Variants in NRG2 observed in about 807,000 individuals in gnomAD.
NRG2 encodes pro-neuregulin-2, membrane-bound isoform.
Under a neutral mutation model 73.9 loss-of-function variants are expected in NRG2, and 27 were observed. The ratio of observed to expected loss-of-function variants is 0.37; its 90% confidence interval spans 0.27 to 0.50. The LOEUF (loss-of-function observed/expected upper bound fraction) is 0.50. Among genes scored for constraint, NRG2 ranks in the 20% least tolerant of loss-of-function variants. The pLI is 0.96. For missense variants in NRG2, 1,126 were observed against 1,210.1 expected (o/e 0.93, Z 1.03); for synonymous variants, 532 against 541.0 (o/e 0.98, Z 0.23).
chr5:139,887,261 T>C lies in NRG2; in HGVS notation c.872+79A>G. The stretch of plus-strand genomic sequence containing the variant: ...TGAGTCTGGGGGCACAGCCCTGGCC[T>C]CTGCCCAGTTCAGGCCACTCCTTCT... On this transcript the variant is annotated intron_variant, in intron 2 of 9. Transcript: ENST00000361474. The surrounding 1 kb of genome is among the most constrained non-coding windows in gnomAD (Gnocchi z 4.5). 6.5e-7 allele frequency: 1 copy of C among 1,537,558 alleles called. No homozygotes were observed. The highest frequency in any genetic ancestry group is 8.9e-7 in the Non-Finnish European group (1 of 1,123,506).
intron 1 of NRG2, among the ~76,000 whole-genome samples, chr5:139,902,525 C>A (rs571916880): frequency 6.6e-5 from 10 of 152,284 alleles, no homozygotes; most frequent in African/African-American, 2.4e-4. Context: ...CACATCTAAG[C>A]TAAAGGTTTT....
intron 1 of NRG2, among the ~76,000 whole-genome samples, chr5:139,896,788 G>T (rs1014881631): frequency 1.2e-4 from 19 of 152,038 alleles, no homozygotes; most frequent in Non-Finnish European, 1.2e-4. Flanking sequence ...AGGTCATACT[G>T]CTCCCCACCC....
At chr5:139,948,828 G>C (rs1012733006) in intron 1 of NRG2, among the ~76,000 whole-genome samples, 2 of 152,202 alleles carry the variant, frequency 1.3e-5, no homozygotes, top group African/African-American at 4.8e-5. Flanking sequence ...GAAGAGAACT[G>C]GTAGAATCTG....
chr5:139,952,347 G>A (rs1754271670), intron 1 of NRG2, among the ~76,000 whole-genome samples: 1 of 152,182 alleles, frequency 6.6e-6, no homozygotes, highest in African/African-American at 2.4e-5. Context: ...AACTACTGAA[G>A]GTGGGAAGAG....
At position 139,876,255 on chromosome 5, in the gene NRG2, A is replaced by G. The variant is rs1258315196; in HGVS notation, c.992-4414T>C. Among the ~76,000 whole-genome samples the G allele has an allele frequency of 2.6e-5, 4 of 152,326 alleles. No homozygotes were observed. In the East Asian group the frequency reaches 7.7e-4, roughly 29 times the overall value. ...AACATTATGTTAAGTATAAGAAGAC[A>G]GTCACAAAAGGCCACATATTGTATG... is the stretch of plus-strand genomic sequence containing the variant. On this transcript the variant is annotated intron_variant, in intron 3 of 9. Coordinates refer to ENST00000361474, the MANE Select transcript of NRG2 (RefSeq NM_004883.3).
At chr5:139,910,607 G>A (rs978752329) in intron 1 of NRG2, among the ~76,000 whole-genome samples, 1 of 152,198 alleles carries the variant, frequency 6.6e-6, no homozygotes, top group Non-Finnish European at 1.5e-5. Flanking sequence ...CGCTTGAAAA[G>A]GGCCCAGTCT....
rs1180198812 is a variant in NRG2 at position 140,042,431 on chromosome 5, G to T, written c.639C>A (p.Pro213=). 2 of 1,609,458 alleles carry T rather than the reference G, an allele frequency of 1.2e-6. No individual in the cohort carries two copies. Among genetic ancestry groups the T allele is most frequent in the East Asian group, 2.2e-5 (1 of 44,710 alleles). The stretch of plus-strand genomic sequence containing the variant: ...TGAGATTTTTGCCGTTGGTATCGAG[G>T]GGGGCAAAGGCCGTCTTAAAGACTA... The part of the protein sequence containing the change: ...QPLVFKTAFA[P]LDTNGKNLKK... Residue 213 remains proline (P), a synonymous_variant, in exon 1 of 10, where the codon CCC becomes CCA. Transcript: ENST00000361474.
At chr5:139,895,091 C>T (rs1329775865) in intron 1 of NRG2, among the ~76,000 whole-genome samples, 1 of 152,246 alleles carries the variant, frequency 6.6e-6, no homozygotes, top group Non-Finnish European at 1.5e-5. Context: ...TTCACCTGCC[C>T]ATCCAGAAGC....
rs576687095 is a variant in NRG2, at chr5:139,864,388, T to C, written c.1189+1161A>G. Among the ~76,000 whole-genome samples, 135 of 149,976 alleles carry C rather than the reference T, an allele frequency of 9.0e-4. 1 individual carries two copies. The highest frequency in any genetic ancestry group is 1.7e-3 in the East Asian group (9 of 5,166). The stretch of plus-strand genomic sequence containing the variant: ...CTTTCTTCTCCTTCTTCTTCTTCTT[T>C]TTTTTTTTTTTTTGCAAACTGTGCA... On this transcript the variant is annotated intron_variant, in intron 5 of 9. Coordinates refer to ENST00000361474, the MANE Select transcript of NRG2 (RefSeq NM_004883.3).
rs1761630236 is a variant in NRG2, at chr5:139,853,791, G to T, written c.1293-764C>A. Among the ~76,000 whole-genome samples, 1 of 152,154 alleles carries T rather than the reference G, an allele frequency of 6.6e-6. No individual in the cohort carries two copies. Among genetic ancestry groups the T allele is most frequent in the South Asian group, 2.1e-4 (1 of 4,824 alleles). On this transcript the variant is annotated intron_variant, in intron 6 of 9. Transcript: ENST00000361474. This position sits in a 1 kb window ranked among gnomAD's most constrained non-coding sequence, Gnocchi z 4.1. ...GGCTGGGAAAGGAAGTGGGGGGTTG[G>T]GAGGGAGGTGGGGATGGTTCATGGG...
chr5:140,004,241 A>G (rs947417027), intron 1 of NRG2, among the ~76,000 whole-genome samples: 3 of 151,438 alleles, frequency 2.0e-5, no homozygotes, highest in Non-Finnish European at 4.4e-5. Flanking sequence ...ATTATTCTCT[A>G]CTCTACCAAT....
intron 1 of NRG2, among the ~76,000 whole-genome samples, chr5:139,910,637 G>A (rs764438086): frequency 3.3e-5 from 5 of 152,140 alleles, no homozygotes; most frequent in Admixed American, 6.5e-5. Context: ...CCTTATGTTC[G>A]GAGGCCCTTT....
chr5:139,999,372 T>A (rs905777572), intron 1 of NRG2, among the ~76,000 whole-genome samples: 1 of 152,198 alleles, frequency 6.6e-6, no homozygotes, highest in Non-Finnish European at 1.5e-5. Context: ...GTTTACAAAC[T>A]GGTTGGAGGT....
At chr5:139,859,931 G>A (rs757885828) in intron 5 of NRG2, 12 of 1,559,322 alleles carry the variant, frequency 7.7e-6, no homozygotes, top group South Asian at 1.1e-5. Flanking sequence ...GCAGAAGAGC[G>A]AGGGTCACAA....
intron 1 of NRG2, among the ~76,000 whole-genome samples, chr5:139,960,696 T>A (rs923495380): frequency 6.6e-6 from 1 of 152,230 alleles, no homozygotes; most frequent in African/African-American, 2.4e-5. Context: ...ATGTAAGTTG[T>A]AGCAATTATT....
chr5:140,014,795 A>G (rs1303853336), intron 1 of NRG2, among the ~76,000 whole-genome samples: 1 of 152,176 alleles, frequency 6.6e-6, no homozygotes, highest in Non-Finnish European at 1.5e-5. Flanking sequence ...CAAATAAGTA[A>G]AATTATATTA....
chr5:139,881,089 G>C, intron 2 of NRG2, 115 bp from the exon 3 acceptor site: 1 of 776,570 alleles, frequency 1.3e-6, no homozygotes, highest in South Asian at 1.6e-5. Context: ...CTGCAGCTTA[G>C]ATGGGAAGGA....
intron 1 of NRG2, among the ~76,000 whole-genome samples, chr5:140,010,114 G>A (rs933208164): frequency 2.6e-5 from 4 of 152,098 alleles, no homozygotes; most frequent in African/African-American, 7.2e-5. Flanking sequence ...TCTGGCCAAC[G>A]TGGTGAAACC....
intron 1 of NRG2, among the ~76,000 whole-genome samples, chr5:139,930,924 A>T (rs900363396): frequency 6.6e-6 from 1 of 152,234 alleles, no homozygotes; most frequent in Admixed American, 6.5e-5. Context: ...GGTAACAGTC[A>T]GACTAGTGGC....
Sources: allele counts gnomAD v4.1 joint callset (sites outside exome capture counted in the v4.1 genomes callset), GRCh38; gene constraint gnomAD v4.1.1; non-coding constraint Gnocchi (gnomAD v3.1); transcripts MANE v1.5; gene names NCBI Gene and HGNC (gene_info 2026-07-23, HGNC 2026-07-21).